The following SCIN variants were observed in gnomAD, a reference collection of about 807,000 sequenced individuals.
The protein encoded by SCIN is scinderin.
Under a neutral mutation model 91.8 loss-of-function variants are expected in SCIN, and 91 were observed. That is an observed-to-expected ratio of 0.99 (90% CI 0.84 to 1.18). The LOEUF is 1.18. Ranked by LOEUF, SCIN falls within the 50% of genes most tolerant of loss-of-function variation. SCIN has a pLI of 0.00. For missense variants in SCIN, 1,087 were observed against 863.9 expected, an observed-to-expected ratio of 1.26 and a Z score of -3.24; for synonymous variants, 367 against 312.6, an observed-to-expected ratio of 1.17 and a Z score of -1.84.
In SCIN at chr7:12,657,560, A is replaced by G. The variant is rs1216138279; in HGVS notation, c.*4845A>G. ...TGTGTATATATATATATATATATATATATATATATATATTTTTTTTTTTTT... is the reference window on the plus strand; with the variant it reads ...TGTGTATATATATATATATATATATGTATATATATATATTTTTTTTTTTTT... On this transcript the variant is annotated 3_prime_UTR_variant, in exon 16 of 16. Coordinates refer to ENST00000297029, the MANE Select transcript of SCIN (RefSeq NM_001112706.3). 7.1e-3 allele frequency: 148 copies of G among 20,724 alleles called. 4 individuals carry two copies. The highest frequency in any genetic ancestry group is 0.013 in the Non-Finnish European group (122 of 9,078). 1.3% of individuals were successfully genotyped at this position (20,724 alleles called of 1,614,324 possible). A position where few individuals can be genotyped will look rare whatever the true frequency, so the allele number is the denominator to read the frequency against.
chr7:12,575,275 A>G (rs1349118594), intron 1 of SCIN, among the ~76,000 whole-genome samples: 1 of 150,582 alleles, frequency 6.6e-6, no homozygotes, highest in Non-Finnish European at 1.5e-5. Context: ...AGAGTTCACT[A>G]TGTAAACAAT....
chr7:12,593,785 C>A (rs1782778193), intron 3 of SCIN, among the ~76,000 whole-genome samples: 1 of 152,074 alleles, frequency 6.6e-6, no homozygotes, highest in Admixed American at 6.5e-5. Flanking sequence ...AAGGCTCTTC[C>A]CAGGGAACAG....
At chr7:12,642,471 A>T (rs979281083) in intron 11 of SCIN, among the ~76,000 whole-genome samples, 5 of 151,976 alleles carry the variant, frequency 3.3e-5, no homozygotes, top group Non-Finnish European at 7.4e-5. Flanking sequence ...CAGCTACTGC[A>T]TCATTTCTCT....
In SCIN at chr7:12,654,786, TG is replaced by T. The variant is rs1292686001; in HGVS notation, c.*2072del. 1 of 152,090 alleles carries T rather than the reference TG, an allele frequency of 6.6e-6. No homozygotes were observed. The highest frequency in any genetic ancestry group is 1.5e-5 in the Non-Finnish European group (1 of 68,006). The allele number at this position is 152,090 out of a possible 1,614,324, so 9.4% of individuals were successfully genotyped here. On this transcript the variant is annotated 3_prime_UTR_variant, in exon 16 of 16. Transcript: ENST00000297029. Reference sequence around the variant, plus strand: ...ATTTATTGAATGGCAATATCAAAAATGAGATCAGCAGCAAGATGATAAGGCA... The same window carrying T: ...ATTTATTGAATGGCAATATCAAAAATAGATCAGCAGCAAGATGATAAGGCA...
chr7:12,587,673 T>G (rs1171548180), intron 3 of SCIN, among the ~76,000 whole-genome samples: 1 of 152,180 alleles, frequency 6.6e-6, no homozygotes, highest in Non-Finnish European at 1.5e-5. Flanking sequence ...GCCCAGTGGC[T>G]TGGATGCTAC....
intron 3 of SCIN, among the ~76,000 whole-genome samples, chr7:12,592,355 T>C (rs1782742487): frequency 6.6e-6 from 1 of 151,778 alleles, no homozygotes; most frequent in South Asian, 2.1e-4. Context: ...GATAGGGGTG[T>C]TATATGGAGA....
At position 12,570,768 on chromosome 7, in the gene SCIN, A is replaced by C; in HGVS notation, c.-19A>C. 6.5e-7 allele frequency: 1 copy of C among 1,547,790 alleles called. No homozygotes were observed. The highest frequency in any genetic ancestry group is 1.2e-5 in the South Asian group (1 of 83,814). On this transcript the variant is annotated 5_prime_UTR_variant, in exon 1 of 16. Transcript: ENST00000297029. ...ATCAGCGATATCACGCGTCCCCCGG[A>C]GCATCGCGTGCAGGAGCCATGGCGC...
intron 11 of SCIN, 50 bp downstream of exon 11, chr7:12,640,567 G>A (rs764006725): frequency 2.1e-6 from 3 of 1,451,666 alleles, no homozygotes; most frequent in East Asian, 5.2e-5. Context: ...ACTTCCCAAT[G>A]GACCTGAGCC....
intron 3 of SCIN, among the ~76,000 whole-genome samples, chr7:12,588,012 A>G (rs1421572038): frequency 6.6e-6 from 1 of 152,194 alleles, no homozygotes; most frequent in Non-Finnish European, 1.5e-5. Flanking sequence ...TTAAATTAAA[A>G]CTATGTTGGC....
intron 1 of SCIN, among the ~76,000 whole-genome samples, chr7:12,572,820 A>C (rs569426272): frequency 1.3e-5 from 2 of 152,366 alleles, no homozygotes; most frequent in South Asian, 2.1e-4. Flanking sequence ...AAATTCATTC[A>C]GTAATTATTC....
At chr7:12,629,368 A>G (rs1783597760) in intron 9 of SCIN, 146 bp downstream of exon 9, 1 of 778,260 alleles carries the variant, frequency 1.3e-6, no homozygotes, top group Non-Finnish European at 1.8e-6. Flanking sequence ...TTCTTTTTAC[A>G]TGATTTTGAC....
chr7:12,594,460 A>T (rs181369041), intron 3 of SCIN, among the ~76,000 whole-genome samples: 1 of 152,306 alleles, frequency 6.6e-6, no homozygotes, highest in East Asian at 1.9e-4. Context: ...TCTCATTGCG[A>T]TGGCAAAAGT....
At chr7:12,571,794 C>T (rs1422476009) in intron 1 of SCIN, among the ~76,000 whole-genome samples, 1 of 152,160 alleles carries the variant, frequency 6.6e-6, no homozygotes, top group East Asian at 1.9e-4. Context: ...GAGCTGCGTT[C>T]GTGCCAGGCT....
At chr7:12,645,800 T>G (rs1280600583) in intron 13 of SCIN, among the ~76,000 whole-genome samples, 1 of 152,208 alleles carries the variant, frequency 6.6e-6, no homozygotes, top group East Asian at 1.9e-4. Flanking sequence ...ATAATTAATG[T>G]GAAAGCATTA....
chr7:12,574,222 C>A (rs948897682), intron 1 of SCIN, among the ~76,000 whole-genome samples: 2 of 152,108 alleles, frequency 1.3e-5, no homozygotes, highest in African/African-American at 4.8e-5. Flanking sequence ...TAAAAAGGAA[C>A]AAACTATTGA....
At chr7:12,624,939 A>G (rs990343622) in intron 5 of SCIN, 71 bp from the exon 6 acceptor site, 31 of 1,458,630 alleles carry the variant, frequency 2.1e-5, no homozygotes, top group Middle Eastern at 3.5e-4. Flanking sequence ...TACAACCATT[A>G]CCATAATCTA....
chr7:12,655,499 T>A lies in SCIN; in HGVS notation c.*2784T>A, dbSNP rs1255245245. ...AAGAATGAAAATGACCAGTAAATAA[T>A]GAAAAGATGTTCTAAGACACTCTTA... On this transcript the variant is annotated 3_prime_UTR_variant, in exon 16 of 16. Coordinates refer to ENST00000297029, the MANE Select transcript of SCIN (RefSeq NM_001112706.3). 2 of 152,088 alleles carry A rather than the reference T, an allele frequency of 1.3e-5. No homozygotes were observed. The highest frequency in any genetic ancestry group is 4.8e-5 in the African/African-American group (2 of 41,420). The allele number at this position is 152,088 out of a possible 1,614,324, so 9.4% of individuals were successfully genotyped here. A position where few individuals can be genotyped will look rare whatever the true frequency, so the allele number is the denominator to read the frequency against.
intron 15 of SCIN, 66 bp from the exon 16 acceptor site, chr7:12,652,522 C>A: frequency 7.1e-7 from 1 of 1,412,788 alleles, no homozygotes; most frequent in South Asian, 1.3e-5. Context: ...GAAGAATTTT[C>A]AATCTGCAGT....
At chr7:12,623,657 C>G (rs913729243) in intron 5 of SCIN, among the ~76,000 whole-genome samples, 1 of 152,080 alleles carries the variant, frequency 6.6e-6, no homozygotes, top group Non-Finnish European at 1.5e-5. Flanking sequence ...TGGAGCAGAT[C>G]GTAAATCTCC....
Sources: allele counts gnomAD v4.1 joint callset (sites outside exome capture counted in the v4.1 genomes callset), GRCh38; gene constraint gnomAD v4.1.1; transcripts MANE v1.5; gene names NCBI Gene and HGNC (gene_info 2026-07-23, HGNC 2026-07-21).